TENM2: variants seen among roughly 807,000 people sequenced by gnomAD.
The protein encoded by TENM2 is teneurin transmembrane protein 2, also known as teneurin-2.
A neutral mutation model predicts 245.2 loss-of-function variants in TENM2; 52 were observed. That is an observed-to-expected ratio of 0.21 (90% confidence interval 0.17 to 0.27). The LOEUF is 0.27. Among genes scored for constraint, TENM2 ranks in the 10% least tolerant of loss-of-function variants. The probability of loss-of-function intolerance (pLI) is 1.00; values close to 1 mark genes in which losing one functional copy is unlikely to be tolerated. For missense variants in TENM2, 3,046 were observed against 3,666.8 expected (o/e 0.83, Z 4.37); for synonymous variants, 1,363 against 1,438.9 (o/e 0.95, Z 1.19).
At chr5:167,236,446 T>A in the TENM2 span, among the ~76,000 whole-genome samples, 1 of 152,194 alleles carries the variant, frequency 6.6e-6, no homozygotes, top group South Asian at 2.1e-4. Flanking sequence ...GGGCTGAAGG[T>A]CACTGAGTGG....
the TENM2 span, among the ~76,000 whole-genome samples, chr5:167,041,000 C>G: frequency 2.0e-4 from 30 of 152,122 alleles, no homozygotes; most frequent in African/African-American, 7.2e-4. Flanking sequence ...CCTTAGGTTA[C>G]TAGATACCAA....
At chr5:167,183,336 GTACTTATTAGGAAAACAGATAC>G in the TENM2 span, among the ~76,000 whole-genome samples, 10 of 152,098 alleles carry the variant, frequency 6.6e-5, no homozygotes, top group East Asian at 1.9e-3. Context: ...GATATGTATA[GTACTTATTAGGAAAACAGATAC>G]TTAAGTCACA....
chr5:168,101,055 G>A (rs1197915064), intron 9 of TENM2, among the ~76,000 whole-genome samples: 1 of 152,128 alleles, frequency 6.6e-6, no homozygotes, highest in Non-Finnish European at 1.5e-5. Flanking sequence ...GGGCACATCA[G>A]CAAAGTGAAC....
At chr5:166,989,073 A>G in the TENM2 span, among the ~76,000 whole-genome samples, 6 of 151,746 alleles carry the variant, frequency 4.0e-5, no homozygotes, top group South Asian at 1.2e-3. Flanking sequence ...AAAACAGATT[A>G]GATTTTTTTT....
intron 2 of TENM2, among the ~76,000 whole-genome samples, chr5:167,803,562 G>A (rs919520845): frequency 4.6e-5 from 7 of 152,132 alleles, no homozygotes; most frequent in South Asian, 2.1e-4. Context: ...GTGGAGCTCC[G>A]TATTTTCCAT....
chr5:167,050,540 T>C, the TENM2 span, among the ~76,000 whole-genome samples: 1 of 152,070 alleles, frequency 6.6e-6, no homozygotes, highest in African/African-American at 2.4e-5. Context: ...CTGAGGTCAG[T>C]GAAGAATAAT....
intron 1 of TENM2, among the ~76,000 whole-genome samples, chr5:167,300,327 A>G (rs578123418): frequency 1.3e-5 from 2 of 152,266 alleles, no homozygotes; most frequent in South Asian, 2.1e-4. Flanking sequence ...TGCTGAGCCT[A>G]ATGGGTGTCA....
chr5:167,725,742 G>A lies in TENM2; in HGVS notation c.503-150244G>A, dbSNP rs563771021. Among the ~76,000 whole-genome samples the A allele has an allele frequency of 4.6e-5, 7 of 152,236 alleles. No homozygotes were observed. The South Asian group carries it at 1.5e-3, about 32-fold the overall frequency. On this transcript the variant is annotated intron_variant, in intron 2 of 28. Coordinates refer to ENST00000518659, the Ensembl canonical transcript of TENM2. ...TTTTATCCCTTATTTACTTTTCTAA[G>A]TGCATCTGTTACCACTTCCTACAGG...
chr5:167,968,873 C>T (rs1781567147), intron 4 of TENM2, among the ~76,000 whole-genome samples: 1 of 152,136 alleles, frequency 6.6e-6, no homozygotes, highest in African/African-American at 2.4e-5. Context: ...AATAAATTTA[C>T]AAGCCCCCTG....
At chr5:167,279,514 T>C in the TENM2 span, among the ~76,000 whole-genome samples, 7 of 98,208 alleles carry the variant, frequency 7.1e-5, no homozygotes, top group Admixed American at 1.2e-4. Context: ...CCTTCCTTCC[T>C]TTCCTTCCTT....
rs1055764058 is a variant in TENM2 at position 167,753,830 on chromosome 5, A to G, written c.503-122156A>G. ...GAGCTCACTGATCATGGTGTATTCCATGGTGCATAACAGACAGATTCTGTG... is the reference window on the plus strand; with the variant it reads ...GAGCTCACTGATCATGGTGTATTCCGTGGTGCATAACAGACAGATTCTGTG... On this transcript the variant is annotated intron_variant, in intron 2 of 28. Coordinates refer to ENST00000518659, the Ensembl canonical transcript of TENM2. 3.9e-5 allele frequency among the ~76,000 whole-genome samples: 6 copies of G among 152,166 alleles called. No homozygotes were observed. In the South Asian group the frequency reaches 8.3e-4, roughly 21 times the overall value.
At chr5:167,226,966 A>G in the TENM2 span, among the ~76,000 whole-genome samples, 1 of 152,034 alleles carries the variant, frequency 6.6e-6, no homozygotes, top group East Asian at 1.9e-4. Context: ...GTGTATATAT[A>G]TAATGTAAAT....
intron 2 of TENM2, among the ~76,000 whole-genome samples, chr5:167,727,407 C>T (rs142687392): frequency 3.2e-3 from 490 of 152,234 alleles, no homozygotes; most frequent in African/African-American, 8.9e-3. Context: ...CCACCGTGCC[C>T]GGCCATCCGT....
chr5:167,551,396 T>G (rs778137442), intron 2 of TENM2, among the ~76,000 whole-genome samples: 1 of 152,148 alleles, frequency 6.6e-6, no homozygotes, highest in Non-Finnish European at 1.5e-5. Context: ...GGCTATAGAT[T>G]CTTTATCCAT....
the TENM2 span, among the ~76,000 whole-genome samples, chr5:167,051,967 T>C: frequency 1.3e-5 from 2 of 152,144 alleles, no homozygotes; most frequent in African/African-American, 4.8e-5. Context: ...TCTTTGCAGT[T>C]TTTTCTTTGC....
chr5:167,408,322 G>C (rs1442988707), intron 2 of TENM2, among the ~76,000 whole-genome samples: 2 of 152,086 alleles, frequency 1.3e-5, no homozygotes, highest in Non-Finnish European at 2.9e-5. Context: ...GAATATATAT[G>C]TCTAACTCAC....
At chr5:167,099,380 T>A in the TENM2 span, among the ~76,000 whole-genome samples, 1 of 152,196 alleles carries the variant, frequency 6.6e-6, no homozygotes, top group East Asian at 1.9e-4. Flanking sequence ...TATTGCAGCT[T>A]ATCTGTGACA....
intron 2 of TENM2, among the ~76,000 whole-genome samples, chr5:167,677,928 T>C (rs1410371876): frequency 6.6e-6 from 1 of 151,824 alleles, no homozygotes; most frequent in Non-Finnish European, 1.5e-5. Context: ...AGTTAATCAA[T>C]AGGCAATTGG....
At chr5:167,567,865 G>T (rs900107621) in intron 2 of TENM2, among the ~76,000 whole-genome samples, 2 of 151,824 alleles carry the variant, frequency 1.3e-5, no homozygotes, top group Non-Finnish European at 2.9e-5. Flanking sequence ...ATTTCCGAAT[G>T]ACAGAATTGC....
Sources: gnomAD v4.1 joint callset for allele counts (sites outside exome capture counted in the v4.1 genomes callset) on GRCh38, gnomAD v4.1.1 for gene constraint, MANE v1.5 for transcripts, NCBI Gene and HGNC (gene_info 2026-07-23, HGNC 2026-07-21) for gene names.